AUTS2: variants seen among roughly 807,000 people sequenced by gnomAD.
The protein encoded by AUTS2 is autism susceptibility gene 2 protein.
AUTS2 carries 17 observed loss-of-function variants against 112.4 expected under a neutral mutation model. The observed-to-expected ratio is 0.15, with a 90% CI of 0.10 to 0.23. AUTS2 has a LOEUF of 0.23. AUTS2 is among the 10% of genes least tolerant of loss of function. The pLI, the probability that AUTS2 is intolerant of heterozygous loss-of-function variation, is 1.00. For missense variants in AUTS2, 1,510 were observed against 1,701.6 expected (o/e 0.89, Z 1.98); for synonymous variants, 751 against 702.7 (o/e 1.07, Z -1.09).
chr7:69,758,972 A>G (rs984427992), intron 1 of AUTS2, among the ~76,000 whole-genome samples: 3 of 152,204 alleles, frequency 2.0e-5, no homozygotes, highest in African/African-American at 4.8e-5. Flanking sequence ...AAAAATAAAT[A>G]AATAAATGTG....
chr7:70,081,051 G>C lies in AUTS2; in HGVS notation c.523-37081G>C, dbSNP rs537098808. Among the ~76,000 whole-genome samples the C allele has an allele frequency of 5.9e-5, 9 of 152,246 alleles. No individual in the cohort carries two copies. The South Asian group carries it at 1.7e-3, about 28-fold the overall frequency. ...TTTATGTCAAGCAGCTAATGCGTGA[G>C]GATTTATTTATTTGTGTTTTTCTCT... On this transcript the variant is annotated intron_variant, in intron 2 of 18. Coordinates refer to ENST00000342771, the MANE Select transcript of AUTS2 (RefSeq NM_015570.4).
chr7:69,928,548 G>A (rs1166452578), intron 2 of AUTS2, among the ~76,000 whole-genome samples: 2 of 152,216 alleles, frequency 1.3e-5, no homozygotes, highest in African/African-American at 4.8e-5. Context: ...AGGGGCCTGA[G>A]GTAGCAGGGG....
intron 4 of AUTS2, among the ~76,000 whole-genome samples, chr7:70,321,246 C>T (rs946258538): frequency 2.0e-5 from 3 of 152,178 alleles, no homozygotes; most frequent in Non-Finnish European, 1.5e-5. Flanking sequence ...GACTGTAACA[C>T]GTTTACTCTT....
chr7:70,029,187 T>C (rs939568150), intron 2 of AUTS2, among the ~76,000 whole-genome samples: 2 of 152,110 alleles, frequency 1.3e-5, no homozygotes, highest in Non-Finnish European at 2.9e-5. Context: ...TTGTGGGTTG[T>C]TTTAAGAGTT....
intron 6 of AUTS2, among the ~76,000 whole-genome samples, chr7:70,717,342 G>A (rs568846477): frequency 5.2e-4 from 79 of 151,914 alleles, no homozygotes; most frequent in Non-Finnish European, 9.9e-4. Flanking sequence ...CACCATACCC[G>A]GCTAACTTTT....
intron 6 of AUTS2, among the ~76,000 whole-genome samples, chr7:70,706,366 G>A (rs139560660): frequency 6.6e-6 from 1 of 152,290 alleles, no homozygotes; most frequent in South Asian, 2.1e-4. Flanking sequence ...GCCAGACAAA[G>A]TCACATGACC....
At chr7:69,848,880 ACCTTTTCGACAC>A (rs902117462) in intron 1 of AUTS2, among the ~76,000 whole-genome samples, 7 of 151,504 alleles carry the variant, frequency 4.6e-5, no homozygotes, top group Non-Finnish European at 8.8e-5. Context: ...CCCCGCCACC[ACCTTTTCGACAC>A]CCTTGGTTTT....
intron 6 of AUTS2, among the ~76,000 whole-genome samples, chr7:70,726,440 T>C (rs1330748804): frequency 1.3e-5 from 2 of 152,186 alleles, no homozygotes; most frequent in Non-Finnish European, 2.9e-5. Context: ...AGACATCCTA[T>C]TGTCGTATAT....
At chr7:70,304,003 C>G (rs1266713420) in intron 4 of AUTS2, among the ~76,000 whole-genome samples, 1 of 152,174 alleles carries the variant, frequency 6.6e-6, no homozygotes, top group East Asian at 1.9e-4. Context: ...CATGCTGCCC[C>G]TCCTCAGCGC....
At chr7:70,643,737 T>C (rs1805987493) in intron 5 of AUTS2, among the ~76,000 whole-genome samples, 1 of 152,222 alleles carries the variant, frequency 6.6e-6, no homozygotes, top group Non-Finnish European at 1.5e-5. Context: ...CATGTACTAA[T>C]TGAATGTATC....
chr7:70,007,274 G>C (rs1251477508), intron 2 of AUTS2, among the ~76,000 whole-genome samples: 3 of 152,032 alleles, frequency 2.0e-5, no homozygotes, highest in East Asian at 3.8e-4. Context: ...CCTAAATCAT[G>C]GTTGCTTTCC....
At chr7:70,515,737 C>T (rs557075775) in intron 5 of AUTS2, among the ~76,000 whole-genome samples, 83 of 152,100 alleles carry the variant, frequency 5.5e-4, no homozygotes, top group Non-Finnish European at 7.6e-4. Flanking sequence ...TTTTATTTCC[C>T]ATTTTTAAAT....
chr7:70,357,641 C>T (rs987016642), intron 4 of AUTS2, among the ~76,000 whole-genome samples: 7 of 152,130 alleles, frequency 4.6e-5, no homozygotes, highest in Non-Finnish European at 8.8e-5. Flanking sequence ...CCTGTAAACG[C>T]ACGGCCTTTT....
intron 1 of AUTS2, among the ~76,000 whole-genome samples, chr7:69,735,807 G>C (rs1221152718): frequency 6.6e-6 from 1 of 152,186 alleles, no homozygotes; most frequent in African/African-American, 2.4e-5. Flanking sequence ...GCCAGTGCAG[G>C]GGACTAGCAC....
chr7:69,932,466 A>G (rs555824155), intron 2 of AUTS2, among the ~76,000 whole-genome samples: 2 of 152,340 alleles, frequency 1.3e-5, no homozygotes, highest in African/African-American at 2.4e-5. Context: ...GGCAGACACA[A>G]TTGCAACATT....
chr7:69,821,252 G>A (rs1371780430), intron 1 of AUTS2, among the ~76,000 whole-genome samples: 1 of 152,178 alleles, frequency 6.6e-6, no homozygotes, highest in Non-Finnish European at 1.5e-5. Context: ...AGTTTTTCAT[G>A]CACCTGTAGT....
At chr7:70,302,930 C>G (rs1789288996) in intron 4 of AUTS2, among the ~76,000 whole-genome samples, 1 of 140,808 alleles carries the variant, frequency 7.1e-6, no homozygotes, top group South Asian at 2.2e-4. Context: ...TTTTGGCCAT[C>G]ATTTCCATTC....
intron 1 of AUTS2, among the ~76,000 whole-genome samples, chr7:69,769,415 G>A (rs927784137): frequency 3.3e-5 from 5 of 152,164 alleles, no homozygotes; most frequent in Non-Finnish European, 7.3e-5. Flanking sequence ...GAAGTGGGAG[G>A]TTGAAGGGTG....
intron 5 of AUTS2, among the ~76,000 whole-genome samples, chr7:70,561,908 T>C (rs1801504836): frequency 6.6e-6 from 1 of 152,104 alleles, no homozygotes; most frequent in Non-Finnish European, 1.5e-5. Flanking sequence ...GTGTTCGAGG[T>C]GGGCGCTGGG....
Sources: gnomAD v4.1 joint callset for allele counts (sites outside exome capture counted in the v4.1 genomes callset) on GRCh38, gnomAD v4.1.1 for gene constraint, MANE v1.5 for transcripts, NCBI Gene and HGNC (gene_info 2026-07-23, HGNC 2026-07-21) for gene names.